The following TFEC variants were observed in gnomAD, a reference collection of about 807,000 sequenced individuals.
TFEC encodes the protein class E basic helix-loop-helix protein 34.
TFEC carries 31 observed loss-of-function variants against 41.6 expected under a neutral mutation model. That is an observed-to-expected ratio of 0.74 (90% CI 0.56 to 1.01). The LOEUF (loss-of-function observed/expected upper bound fraction) is 1.01, where lower values mean the gene tolerates loss of function less well. Ranked by LOEUF, TFEC falls within the 50% of genes least tolerant of loss-of-function variation. TFEC has a pLI of 0.00. For synonymous variants in TFEC, 143 were observed against 140.6 expected, an observed-to-expected ratio of 1.02 and a Z score of -0.12; for missense variants, 402 against 404.1, an observed-to-expected ratio of 0.99 and a Z score of 0.04.
upstream of TFEC, among the ~76,000 whole-genome samples, chr7:116,031,321 TTA>T (rs1795776819): frequency 6.6e-6 from 1 of 152,170 alleles, no homozygotes; most frequent in Non-Finnish European, 1.5e-5. Context: ...CCCATGTAGA[TTA>T]AAAATACACA....
intron 3 of TFEC, among the ~76,000 whole-genome samples, chr7:116,081,500 C>A (rs183007902): frequency 2.2e-4 from 33 of 152,132 alleles, no homozygotes; most frequent in Admixed American, 5.9e-4. Context: ...ATGACCACTG[C>A]CCTGCCTTAG....
chr7:115,974,423 T>C (rs536144810), intron 2 of TFEC, among the ~76,000 whole-genome samples, 167 bp from the exon 3 acceptor site: 1 of 44,276 alleles, frequency 2.3e-5, no homozygotes, highest in Non-Finnish European at 4.6e-5. Context: ...TATATATATA[T>C]ATATATATAT....
chr7:116,094,230 T>C (rs993373539), intron 3 of TFEC, among the ~76,000 whole-genome samples: 1 of 152,226 alleles, frequency 6.6e-6, no homozygotes, highest in Non-Finnish European at 1.5e-5. Flanking sequence ...AACAATGTTA[T>C]AAAAGTCAGA....
intron 1 of TFEC, among the ~76,000 whole-genome samples, chr7:116,118,571 A>G (rs977299334): frequency 6.6e-6 from 1 of 151,756 alleles, no homozygotes; most frequent in African/African-American, 2.4e-5. Flanking sequence ...TCCTGCACCT[A>G]CACACAATTG....
At chr7:116,003,943 TA>T (rs1042546172) in intron 1 of TFEC, among the ~76,000 whole-genome samples, 2 of 151,982 alleles carry the variant, frequency 1.3e-5, no homozygotes, top group African/African-American at 4.8e-5. Context: ...TAACTAAAAA[TA>T]AAAACACAAC....
chr7:115,972,701 A>G (rs9649388), intron 3 of TFEC, among the ~76,000 whole-genome samples: 20,824 of 152,106 alleles, frequency 0.14, 1,914 homozygotes, highest in Non-Finnish European at 0.21. Flanking sequence ...ATACACTTAG[A>G]CCAGTAGTAT....
At chr7:115,986,454 G>A (rs1793859775) in intron 1 of TFEC, among the ~76,000 whole-genome samples, 1 of 151,958 alleles carries the variant, frequency 6.6e-6, no homozygotes, top group Non-Finnish European at 1.5e-5. Context: ...ATCGGTTCCT[G>A]AGCAAATAAC....
At chr7:115,990,020 G>C (rs1794036725) in intron 1 of TFEC, among the ~76,000 whole-genome samples, 1 of 152,178 alleles carries the variant, frequency 6.6e-6, no homozygotes, top group African/African-American at 2.4e-5. Flanking sequence ...GCCCCTCTGA[G>C]ATAAAGCTTC....
rs1388969026 is a variant in TFEC at position 115,940,385 on chromosome 7, G to A, written c.*166C>T. 5.4e-6 allele frequency: 4 copies of A among 735,114 alleles called. No individual in the cohort carries two copies. The Admixed American group carries it at 1.3e-4, about 24-fold the overall frequency. 45.5% of individuals were successfully genotyped at this position (735,114 alleles called of 1,614,324 possible). A position where few individuals can be genotyped will look rare whatever the true frequency, so the allele number is the denominator to read the frequency against. On this transcript the variant is annotated 3_prime_UTR_variant, in exon 8 of 8. Transcript: ENST00000265440. ...GCCCTCAATAATTCATTAACACTATGATTTTTCTTCCTGCGAATTCTTCTG... is the reference window on the plus strand; with the variant it reads ...GCCCTCAATAATTCATTAACACTATAATTTTTCTTCCTGCGAATTCTTCTG...
At chr7:116,119,087 A>C (rs560282311) in intron 1 of TFEC, among the ~76,000 whole-genome samples, 4 of 151,928 alleles carry the variant, frequency 2.6e-5, no homozygotes, top group Non-Finnish European at 5.9e-5. Flanking sequence ...ATGAAAAATG[A>C]ATCAATATCT....
At chr7:116,038,005 T>A (rs1368934420) in intron 3 of TFEC, among the ~76,000 whole-genome samples, 1 of 151,942 alleles carries the variant, frequency 6.6e-6, no homozygotes, top group Non-Finnish European at 1.5e-5. Flanking sequence ...CATCAATATC[T>A]CACCAGTCAG....
At chr7:116,152,181 A>G (rs1348226312) in intron 1 of TFEC, among the ~76,000 whole-genome samples, 1 of 152,218 alleles carries the variant, frequency 6.6e-6, no homozygotes, top group Admixed American at 6.5e-5. Flanking sequence ...AACAAGGATC[A>G]TATTTACCCT....
intron 6 of TFEC, among the ~76,000 whole-genome samples, chr7:115,947,946 G>T (rs567394331): frequency 1.3e-5 from 2 of 151,872 alleles, no homozygotes; most frequent in Non-Finnish European, 2.9e-5. Context: ...TTGATAGACC[G>T]CTAGCAAGAC....
At chr7:116,043,047 G>T (rs1350928197) in intron 3 of TFEC, among the ~76,000 whole-genome samples, 1 of 152,094 alleles carries the variant, frequency 6.6e-6, no homozygotes, top group East Asian at 1.9e-4. Flanking sequence ...TGCAAAACAG[G>T]TTTTTTGGGA....
intron 1 of TFEC, among the ~76,000 whole-genome samples, chr7:116,122,095 ATTG>A (rs906456998): frequency 1.3e-5 from 2 of 152,066 alleles, no homozygotes; most frequent in Non-Finnish European, 2.9e-5. Context: ...TGAAATTGTA[ATTG>A]TTGTTACAAT....
chr7:115,994,022 A>G (rs1198602904), intron 1 of TFEC, among the ~76,000 whole-genome samples: 1 of 152,244 alleles, frequency 6.6e-6, no homozygotes, highest in Non-Finnish European at 1.5e-5. Flanking sequence ...AGACCTATGG[A>G]AGAGAACAGA....
chr7:115,950,840 A>G, intron 6 of TFEC, 34 bp downstream of exon 6: 3 of 1,524,136 alleles, frequency 2.0e-6, no homozygotes, highest in Non-Finnish European at 2.7e-6. Flanking sequence ...TCTTTAAATT[A>G]TAACATTATT....
At chr7:115,974,406 T>TTATATATAAATATA (rs1793278302) in intron 2 of TFEC, 150 bp from the exon 3 acceptor site, 1 of 65,010 alleles carries the variant, frequency 1.5e-5, no homozygotes, top group Non-Finnish European at 3.3e-5. Context: ...AACCTCAATA[T>TTATATATAAATATA]TATATATATA....
At chr7:115,941,546 T>C (rs1323348058) in intron 7 of TFEC, 1 of 268,370 alleles carries the variant, frequency 3.7e-6, no homozygotes, top group Non-Finnish European at 6.9e-6. Context: ...TTGATTAGGA[T>C]AATAATGTGT....
Sources: gnomAD v4.1 joint callset for allele counts (sites outside exome capture counted in the v4.1 genomes callset) on GRCh38, gnomAD v4.1.1 for gene constraint, MANE v1.5 for transcripts, NCBI Gene and HGNC (gene_info 2026-07-23, HGNC 2026-07-21) for gene names.